LARS2: variants seen among roughly 807,000 people sequenced by gnomAD.
LARS2 encodes leucine--tRNA ligase, mitochondrial.
Under a neutral mutation model 116.6 loss-of-function variants are expected in LARS2, and 81 were observed. That is an observed-to-expected ratio of 0.69 (90% CI 0.58 to 0.84). LARS2 has a LOEUF of 0.84. Among genes scored for constraint, LARS2 ranks in the 40% least tolerant of loss-of-function variants. LARS2 has a pLI of 0.00. For missense variants in LARS2, 968 were observed against 1,114.5 expected, an observed-to-expected ratio of 0.87 and a Z score of 1.87; for synonymous variants, 396 against 407.2, an observed-to-expected ratio of 0.97 and a Z score of 0.33.
chr3:45,392,907 T>A (rs1268530104), intron 2 of LARS2, among the ~76,000 whole-genome samples: 1 of 152,248 alleles, frequency 6.6e-6, no homozygotes, highest in Admixed American at 6.5e-5. Flanking sequence ...TGAAAAGATC[T>A]GTTGTCATCT....
intron 20 of LARS2, chr3:45,541,555 C>G (rs1399791675): frequency 2.3e-6 from 1 of 429,382 alleles, no homozygotes; most frequent in African/African-American, 2.0e-5. Flanking sequence ...CCATTCAAAT[C>G]AGCAGCCTTG....
rs546594317 is a variant in LARS2 at position 45,444,929 on chromosome 3, A to G, written c.517-1962A>G. Reference sequence around the variant, plus strand: ...ATTGAACCTCTATCCCTTAGATTTAACAATTCTCATTATTTTCTCAAAATT... The same window carrying G: ...ATTGAACCTCTATCCCTTAGATTTAGCAATTCTCATTATTTTCTCAAAATT... On this transcript the variant is annotated intron_variant, in intron 6 of 21. Coordinates refer to ENST00000645846, the MANE Select transcript of LARS2 (RefSeq NM_015340.4). 1.1e-4 allele frequency among the ~76,000 whole-genome samples: 17 copies of G among 152,224 alleles called. No homozygotes were observed. In the East Asian group the frequency reaches 1.2e-3, roughly 10 times the overall value.
intron 21 of LARS2, among the ~76,000 whole-genome samples, chr3:45,543,477 T>A (rs192580865): frequency 0.021 from 3,094 of 148,984 alleles, 98 homozygotes; most frequent in African/African-American, 0.068. Flanking sequence ...TTTTATTTTT[T>A]TTTTTGGTGA....
chr3:45,451,868 C>G (rs1264326401), intron 7 of LARS2, among the ~76,000 whole-genome samples: 1 of 152,078 alleles, frequency 6.6e-6, no homozygotes, highest in African/African-American at 2.4e-5. Flanking sequence ...TTGTCCTTTT[C>G]AATTACTATC....
intron 16 of LARS2, among the ~76,000 whole-genome samples, chr3:45,513,657 G>A (rs188269278): frequency 6.6e-6 from 1 of 152,232 alleles, no homozygotes; most frequent in Non-Finnish European, 1.5e-5. Flanking sequence ...ACCTTGGGGG[G>A]CAGCACTCGG....
At chr3:45,441,023 C>CTTTTTT (rs148736694) in intron 6 of LARS2, among the ~76,000 whole-genome samples, 1 of 87,112 alleles carries the variant, frequency 1.1e-5, no homozygotes. Context: ...ATCACACACT[C>CTTTTTT]TTTTTTTTTT....
intron 13 of LARS2, among the ~76,000 whole-genome samples, chr3:45,492,927 A>T (rs769695937): frequency 3.3e-5 from 5 of 152,182 alleles, no homozygotes; most frequent in Non-Finnish European, 7.3e-5. Flanking sequence ...GGAGGAAAAT[A>T]GCACACCCTC....
intron 15 of LARS2, among the ~76,000 whole-genome samples, chr3:45,503,202 G>A (rs1200473739): frequency 1.3e-5 from 2 of 151,924 alleles, no homozygotes; most frequent in Non-Finnish European, 1.5e-5. Context: ...TAGGTAATAC[G>A]AATACAGTCC....
rs368306984 is a variant in LARS2 at position 45,426,623 on chromosome 3, CA to C, written c.516+6895del. ...TCTGTCACCTTGAGGCCAGGGACCACATCTCATTAATAGACGGTACACTTGC... is the reference window on the plus strand; with the variant it reads ...TCTGTCACCTTGAGGCCAGGGACCACTCTCATTAATAGACGGTACACTTGC... On this transcript the variant is annotated intron_variant, in intron 6 of 21. Transcript: ENST00000645846. Among the ~76,000 whole-genome samples, 205 of 152,298 alleles carry C rather than the reference CA, an allele frequency of 1.3e-3. 2 individuals are homozygous for C. The highest frequency in any genetic ancestry group is 4.0e-3 in the African/African-American group (165 of 41,570).
intron 6 of LARS2, among the ~76,000 whole-genome samples, chr3:45,440,039 T>C (rs1258665924): frequency 2.0e-5 from 3 of 152,174 alleles, no homozygotes; most frequent in Non-Finnish European, 4.4e-5. Flanking sequence ...CAGTGCTTAG[T>C]GTAGAGGACT....
chr3:45,506,887 A>G (rs1700207962), intron 15 of LARS2: 1 of 152,020 alleles, frequency 6.6e-6, no homozygotes, highest in Non-Finnish European at 1.5e-5. Context: ...TTAGGCTTGC[A>G]GTTTGTACTT....
At chr3:45,438,704 G>T (rs1408692643) in intron 6 of LARS2, among the ~76,000 whole-genome samples, 2 of 151,648 alleles carry the variant, frequency 1.3e-5, no homozygotes, top group African/African-American at 4.8e-5. Flanking sequence ...GCATGGTGGT[G>T]GGCTCCTGTA....
chr3:45,394,495 T>G lies in LARS2; in HGVS notation c.42T>G (p.Leu14=). 2.5e-6 allele frequency: 4 copies of G among 1,614,110 alleles called. No homozygotes were observed. Among genetic ancestry groups the G allele is most frequent in the Non-Finnish European group, 3.4e-6 (4 of 1,180,022 alleles). The change falls in exon 3 of 22, where the codon CTT becomes CTG. Residue 14 remains leucine (L), a synonymous_variant. Transcript: ENST00000645846. ...VWQRLGFYAS[L]LKRQLNGGPD... is the part of the protein sequence containing the mutation. The stretch of plus-strand genomic sequence containing the variant: ...AGAGATTGGGTTTTTATGCCTCTCT[T>G]CTGAAAAGACAGCTAAATGGTGGGC...
At chr3:45,527,897 A>C (rs1186433585) in intron 20 of LARS2, among the ~76,000 whole-genome samples, 3 of 152,210 alleles carry the variant, frequency 2.0e-5, no homozygotes, top group African/African-American at 7.2e-5. Flanking sequence ...CTAGCTATGC[A>C]CAACTGGTGA....
chr3:45,430,987 C>T (rs1348575694), intron 6 of LARS2, among the ~76,000 whole-genome samples: 1 of 152,056 alleles, frequency 6.6e-6, no homozygotes, highest in Admixed American at 6.6e-5. Context: ...AAGTAAAGCC[C>T]TTGGGAGATA....
chr3:45,541,768 T>C, intron 20 of LARS2, 61 bp from the exon 21 acceptor site: 1 of 1,591,608 alleles, frequency 6.3e-7, no homozygotes, highest in Non-Finnish European at 8.6e-7. Context: ...GCTTTGGTCC[T>C]GCTCTCATAA....
intron 10 of LARS2, among the ~76,000 whole-genome samples, chr3:45,478,258 T>C (rs1266174418): frequency 7.2e-5 from 11 of 152,368 alleles, no homozygotes; most frequent in African/African-American, 2.6e-4. Context: ...CTCATAGTTT[T>C]ACTCTCATGA....
At chr3:45,516,762 C>T (rs1400539304) in intron 17 of LARS2, among the ~76,000 whole-genome samples, 5 of 152,158 alleles carry the variant, frequency 3.3e-5, no homozygotes, top group South Asian at 2.1e-4. Flanking sequence ...CAGAAAGCCC[C>T]GGGAGGGGTC....
rs369117634 is a variant in LARS2, at chr3:45,487,630, T to G, written c.1124-1067T>G. ...GAGACATTTGGCAATTTTGGAAACA[T>G]TTTTGTTTGTCACAACTCAGGGAGT... On this transcript the variant is annotated intron_variant, in intron 11 of 21. Coordinates refer to ENST00000645846, the MANE Select transcript of LARS2 (RefSeq NM_015340.4). 2.4e-3 allele frequency among the ~76,000 whole-genome samples: 368 copies of G among 152,202 alleles called. 12 individuals are homozygous for G. In the South Asian group the frequency reaches 0.07, roughly 29 times the overall value.
Sources: gnomAD v4.1 joint callset for allele counts (sites outside exome capture counted in the v4.1 genomes callset) on GRCh38, gnomAD v4.1.1 for gene constraint, MANE v1.5 for transcripts, NCBI Gene and HGNC (gene_info 2026-07-23, HGNC 2026-07-21) for gene names.